Variants in STPG2 observed in about 807,000 individuals in gnomAD.
STPG2 encodes the protein sperm-tail PG-rich repeat-containing protein 2.
STPG2 carries 56 observed loss-of-function variants against 54.2 expected under a neutral mutation model. That is an observed-to-expected ratio of 1.03 (90% CI 0.83 to 1.29). STPG2 has a LOEUF of 1.29. Ranked by LOEUF, STPG2 falls within the 50% of genes most tolerant of loss-of-function variation. The pLI is 0.00. For missense variants in STPG2, 596 were observed against 544.9 expected (o/e 1.09, Z -0.93); for synonymous variants, 200 against 181.8 (o/e 1.10, Z -0.81).
At chr4:98,013,301 C>T (rs1186198694) in intron 5 of STPG2, among the ~76,000 whole-genome samples, 3 of 151,750 alleles carry the variant, frequency 2.0e-5, no homozygotes, top group African/African-American at 7.3e-5. Context: ...GGGATGGAAC[C>T]TACTTGTGGT....
At chr4:97,763,840 G>A (rs1312456683) in intron 9 of STPG2, among the ~76,000 whole-genome samples, 1 of 152,004 alleles carries the variant, frequency 6.6e-6, no homozygotes, top group Non-Finnish European at 1.5e-5. Flanking sequence ...GACATTGCTG[G>A]TTTCAACATT....
intron 8 of STPG2, among the ~76,000 whole-genome samples, chr4:97,913,819 A>C (rs1731770610): frequency 6.6e-6 from 1 of 152,192 alleles, no homozygotes; most frequent in South Asian, 2.1e-4. Flanking sequence ...TTTGAAATTT[A>C]AGTGTGAATA....
At chr4:97,609,856 A>C (rs561901932) in intron 10 of STPG2, among the ~76,000 whole-genome samples, 1 of 151,994 alleles carries the variant, frequency 6.6e-6, no homozygotes, top group East Asian at 1.9e-4. Context: ...TCTGTCCCTA[A>C]GTGGGTTTAT....
chr4:97,639,044 A>C (rs570733352), intron 10 of STPG2, among the ~76,000 whole-genome samples: 1,582 of 152,194 alleles, frequency 0.01, 14 homozygotes, highest in South Asian at 0.017. Context: ...ACACACGCAC[A>C]CGTATGTTTA....
chr4:97,807,537 T>C (rs1727607927), intron 9 of STPG2, among the ~76,000 whole-genome samples: 1 of 151,866 alleles, frequency 6.6e-6, no homozygotes, highest in African/African-American at 2.4e-5. Flanking sequence ...AAAAACTTAA[T>C]GCATTATTCA....
At chr4:97,645,941 T>A (rs2148949251) in intron 10 of STPG2, among the ~76,000 whole-genome samples, 1 of 152,146 alleles carries the variant, frequency 6.6e-6, no homozygotes, top group East Asian at 1.9e-4. Flanking sequence ...ATACATAAAT[T>A]CCAGTCCAAA....
intron 10 of STPG2, among the ~76,000 whole-genome samples, chr4:97,599,833 A>G (rs559308178): frequency 6.8e-6 from 1 of 147,164 alleles, no homozygotes; most frequent in South Asian, 2.1e-4. Context: ...CAAAAAAAAA[A>G]AAAAGAAAAG....
At chr4:98,105,543 G>A (rs1739164094) in intron 5 of STPG2, among the ~76,000 whole-genome samples, 1 of 152,080 alleles carries the variant, frequency 6.6e-6, no homozygotes, top group Non-Finnish European at 1.5e-5. Flanking sequence ...ATGGGACTGG[G>A]TCCAGGATGG....
intron 4 of STPG2, among the ~76,000 whole-genome samples, chr4:97,455,754 A>C (rs1729500907): frequency 6.6e-6 from 1 of 152,182 alleles, no homozygotes; most frequent in African/African-American, 2.4e-5. Context: ...TGAGCTTATA[A>C]ACACAAGCCA....
intron 10 of STPG2, among the ~76,000 whole-genome samples, chr4:97,636,711 C>A (rs1301745506): frequency 6.6e-6 from 1 of 152,192 alleles, no homozygotes; most frequent in Non-Finnish European, 1.5e-5. Flanking sequence ...AAACTACAAA[C>A]ACCTCTACGA....
chr4:97,810,537 C>T (rs1727704715), intron 9 of STPG2, among the ~76,000 whole-genome samples: 7 of 151,840 alleles, frequency 4.6e-5, no homozygotes, highest in Admixed American at 4.6e-4. Flanking sequence ...GTACTTATCA[C>T]TCCTCTAATA....
intron 8 of STPG2, among the ~76,000 whole-genome samples, chr4:97,922,505 G>GT (rs1474884387): frequency 1.3e-5 from 2 of 152,196 alleles, no homozygotes; most frequent in African/African-American, 4.8e-5. Flanking sequence ...AAAAATGGTT[G>GT]TATCTTATTA....
chr4:97,632,902 C>G (rs114885462), intron 10 of STPG2, among the ~76,000 whole-genome samples: 315 of 152,116 alleles, frequency 2.1e-3, no homozygotes, highest in African/African-American at 7.4e-3. Flanking sequence ...AACAACAATT[C>G]AATTGGATGC....
At chr4:97,995,876 A>G (rs1375256698) in intron 5 of STPG2, among the ~76,000 whole-genome samples, 1 of 152,172 alleles carries the variant, frequency 6.6e-6, no homozygotes, top group Non-Finnish European at 1.5e-5. Flanking sequence ...TAACTGGATA[A>G]TGGAGGCAGA....
intron 5 of STPG2, among the ~76,000 whole-genome samples, chr4:98,015,737 A>G (rs914264726): frequency 1.3e-5 from 2 of 152,156 alleles, no homozygotes; most frequent in Non-Finnish European, 2.9e-5. Flanking sequence ...AAATCATTCT[A>G]CTATAAAGAC....
chr4:97,602,453 CT>C (rs1314410120), intron 10 of STPG2, among the ~76,000 whole-genome samples: 2 of 151,878 alleles, frequency 1.3e-5, no homozygotes, highest in Non-Finnish European at 3.0e-5. Flanking sequence ...GCCTCTATTA[CT>C]TTGTTAAGTA....
chr4:97,710,657 T>C (rs1724084499), intron 10 of STPG2, among the ~76,000 whole-genome samples: 1 of 152,014 alleles, frequency 6.6e-6, no homozygotes, highest in Admixed American at 6.6e-5. Context: ...AACTTAAACT[T>C]ATTAAAGTCA....
intron 8 of STPG2, among the ~76,000 whole-genome samples, chr4:97,841,793 T>A (rs1053203299): frequency 6.6e-6 from 1 of 151,658 alleles, no homozygotes; most frequent in Non-Finnish European, 1.5e-5. Flanking sequence ...TGTTCCTGAG[T>A]TTTTGCATGT....
At chr4:97,525,494 A>T (rs184450825) in intron 4 of STPG2, among the ~76,000 whole-genome samples, 2 of 152,060 alleles carry the variant, frequency 1.3e-5, no homozygotes, top group Admixed American at 1.3e-4. Context: ...AAAACTCTTC[A>T]AAAAAACCCC....
Sources: gnomAD v4.1 joint callset for allele counts (sites outside exome capture counted in the v4.1 genomes callset) on GRCh38, gnomAD v4.1.1 for gene constraint, MANE v1.5 for transcripts, NCBI Gene and HGNC (gene_info 2026-07-23, HGNC 2026-07-21) for gene names.